The following C16orf96 variants were observed in gnomAD, a reference collection of about 807,000 sequenced individuals.
C16orf96 encodes the protein chromosome 16 open reading frame 96.
In C16orf96, 108 loss-of-function variants were observed where a neutral mutation model predicts 103.6. The ratio of observed to expected loss-of-function variants is 1.04; its 90% CI spans 0.89 to 1.22. C16orf96 has a LOEUF of 1.22. Ranked by LOEUF, C16orf96 falls within the 50% of genes most tolerant of loss-of-function variation. The probability of loss-of-function intolerance (pLI) is 0.00; values close to 1 mark genes in which losing one functional copy is unlikely to be tolerated. For synonymous variants in C16orf96, 566 were observed against 593.5 expected (o/e 0.95, Z 0.67); for missense variants, 1,586 against 1,464.2 (o/e 1.08, Z -1.36).
At chr16:4,551,504 T>G (rs1454542838), upstream of C16orf96, among the ~76,000 whole-genome samples, 1 of 152,138 alleles carries the variant, frequency 6.6e-6, no homozygotes, top group Non-Finnish European at 1.5e-5. Flanking sequence ...CAGGCTGGAG[T>G]GCAGTGGCTT....
intron 7 of C16orf96, among the ~76,000 whole-genome samples, chr16:4,584,386 C>T (rs955216238): frequency 9.9e-6 from 1 of 101,478 alleles, no homozygotes; most frequent in African/African-American, 4.3e-5. Context: ...CTCGCTCTGT[C>T]GCCCAGCCTG....
chr16:4,562,593 C>T (rs1025500631), intron 1 of C16orf96, among the ~76,000 whole-genome samples: 1 of 151,890 alleles, frequency 6.6e-6, no homozygotes, highest in Admixed American at 6.6e-5. Context: ...TTATTTTACA[C>T]TAGGTGGTGG....
Position 4,576,398 on chromosome 16 carries a change from G to C in C16orf96, c.1918G>C (p.Asp640His). ...RGATESQILG[D>H]DSEIYEILSP... ...AGCCACAGAATCCCAGATCTTGGGCGATGATTCCGAAATCTACGAAATCCT... is the reference window on the plus strand; with the variant it reads ...AGCCACAGAATCCCAGATCTTGGGCCATGATTCCGAAATCTACGAAATCCT... The change falls in exon 5 of 16, where the codon GAT becomes CAT. Residue 640 changes from aspartate (D) to histidine (H), a missense_variant. Physicochemically the swap from Asp to His is moderately conservative, Grantham distance 81. Coordinates refer to ENST00000444310, the MANE Select transcript of C16orf96 (RefSeq NM_001145011.2). 3 of 1,551,080 alleles carry C rather than the reference G, an allele frequency of 1.9e-6. No individual in the cohort carries two copies. Among genetic ancestry groups the C allele is most frequent in the Non-Finnish European group, 2.6e-6 (3 of 1,147,012 alleles).
At chr16:4,589,418 C>A (rs1225272133) in intron 9 of C16orf96, among the ~76,000 whole-genome samples, 1 of 146,656 alleles carries the variant, frequency 6.8e-6, no homozygotes, top group Non-Finnish European at 1.5e-5. Context: ...GTCCCCCTAC[C>A]AAAAAAAAAA....
In C16orf96 at chr16:4,566,727, C is replaced by A. The variant is rs982421668; in HGVS notation, c.421-4834C>A. On this transcript the variant is annotated intron_variant, in intron 1 of 15. Coordinates refer to ENST00000444310, the MANE Select transcript of C16orf96 (RefSeq NM_001145011.2). Reference sequence around the variant, plus strand: ...TTAGGTTTACTCGGATTGTCTATTTCTGCTTGAGTCAGTTTTAATGATTTT... The same window carrying A: ...TTAGGTTTACTCGGATTGTCTATTTATGCTTGAGTCAGTTTTAATGATTTT... 3.9e-5 allele frequency among the ~76,000 whole-genome samples: 6 copies of A among 151,964 alleles called. No homozygotes were observed. The East Asian group carries it at 1.2e-3, about 29-fold the overall frequency.
Position 4,580,066 on chromosome 16 carries a change from C to T in C16orf96, c.2293C>T (p.Arg765Cys), listed in dbSNP as rs1468085292. 6.5e-6 allele frequency: 10 copies of T among 1,549,602 alleles called. No homozygotes were observed. The highest frequency in any genetic ancestry group is 2.5e-5 in the East Asian group (1 of 40,712). The change falls in exon 7 of 16, where the codon CGC (arginine) becomes TGC (cysteine). Residue 765 changes from arginine to cysteine, a missense_variant. Arg to Cys is a radical substitution (Grantham distance 180). Coordinates refer to ENST00000444310, the MANE Select transcript of C16orf96 (RefSeq NM_001145011.2). Reference sequence around the variant, plus strand: ...CAACCAAATAGAGATGATGAAGGATCGCTACATCACTTTGGACAAGGCGGT... The same window carrying T: ...CAACCAAATAGAGATGATGAAGGATTGCTACATCACTTTGGACAAGGCGGT... ...WGNQIEMMKD[R>C]YITLDKAVEN...
chr16:4,587,033 T>C lies in C16orf96; in HGVS notation c.2353-6T>C. ...ATGGCAGACATGCCTGTGCTTCTGT[T>C]CTTAGACTCTCCAGGCTCAAATCAA... On this transcript the variant is annotated splice_polypyrimidine_tract_variant and splice_region_variant and intron_variant, in intron 7 of 15. Coordinates refer to ENST00000444310, the MANE Select transcript of C16orf96 (RefSeq NM_001145011.2). The C allele has an allele frequency of 6.4e-7, 1 of 1,551,276 alleles. No homozygotes were observed. Among genetic ancestry groups the C allele is most frequent in the African/African-American group, 1.4e-5 (1 of 73,144 alleles).
At chr16:4,543,249 G>C in the C16orf96 span, among the ~76,000 whole-genome samples, 1 of 152,192 alleles carries the variant, frequency 6.6e-6, no homozygotes, top group Admixed American at 6.5e-5. Context: ...CAAGTAGTTA[G>C]AGCTGCTAAT....
At chr16:4,572,172 G>C (rs1402016443) in intron 2 of C16orf96, among the ~76,000 whole-genome samples, 1 of 151,974 alleles carries the variant, frequency 6.6e-6, no homozygotes, top group Non-Finnish European at 1.5e-5. Flanking sequence ...TTCTACCCCA[G>C]TGTGTTAAAA....
chr16:4,579,156 T>G, intron 6 of C16orf96, 131 bp downstream of exon 6: 1 of 818,980 alleles, frequency 1.2e-6, no homozygotes, highest in Non-Finnish European at 1.9e-6. Context: ...GAAAGCGAGC[T>G]GGCTGCGAAG....
rs376322067 is a variant in C16orf96 at position 4,579,025 on chromosome 16, G to A, written c.2241G>A (p.Lys747=). ...GCAGCCTCCAGAAATCTAGGCTCAA[G>A]GTTAGTGTCTCCGGCGAAGGGCTTT... The part of the protein sequence containing the change: ...KIGSLQKSRL[K]EEELERIWGN... The change falls in exon 6 of 16, where the codon AAG becomes AAA. Residue 747 remains lysine (K), a splice_region_variant and synonymous_variant. Transcript: ENST00000444310. 5 of 1,551,428 alleles carry A rather than the reference G, an allele frequency of 3.2e-6. No individual in the cohort carries two copies. The highest frequency in any genetic ancestry group is 4.4e-6 in the Non-Finnish European group (5 of 1,146,842).
chr16:4,568,627 T>TA (rs1203814972), intron 1 of C16orf96, among the ~76,000 whole-genome samples: 2 of 121,296 alleles, frequency 1.6e-5, no homozygotes, highest in African/African-American at 2.8e-5. Flanking sequence ...CTTTTCTTTT[T>TA]AATTTTTTTT....
chr16:4,552,744 A>T (rs149988358), upstream of C16orf96, among the ~76,000 whole-genome samples: 396 of 152,250 alleles, frequency 2.6e-3, no homozygotes, highest in African/African-American at 8.1e-3. Flanking sequence ...AGACCCTGCC[A>T]AACAGTTTTC....
intron 1 of C16orf96, among the ~76,000 whole-genome samples, chr16:4,559,066 C>A (rs147945839): frequency 6.6e-6 from 1 of 151,878 alleles, no homozygotes; most frequent in African/African-American, 2.4e-5. Flanking sequence ...GCCTGGGTGA[C>A]GGAGAAAGTC....
Position 4,587,361 on chromosome 16 carries a change from C to G in C16orf96, c.2427+248C>G, listed in dbSNP as rs368136015. 2.4e-4 allele frequency among the ~76,000 whole-genome samples: 36 copies of G among 151,996 alleles called. No homozygotes were observed. In the East Asian group the frequency reaches 4.3e-3, roughly 18 times the overall value. The stretch of plus-strand genomic sequence containing the variant: ...TGGCCTACATGATGAAACTCCGTCT[C>G]TAGTCAAAATACAAAAAGTAGCCAG... On this transcript the variant is annotated intron_variant, in intron 8 of 15. Coordinates refer to ENST00000444310, the MANE Select transcript of C16orf96 (RefSeq NM_001145011.2).
chr16:4,596,459 T>C (rs563336189), intron 14 of C16orf96, among the ~76,000 whole-genome samples: 4 of 131,312 alleles, frequency 3.0e-5, no homozygotes, highest in Admixed American at 1.9e-4. Context: ...CACTCTAGCC[T>C]GGACAACAGA....
At chr16:4,583,303 C>T (rs1025705945) in intron 7 of C16orf96, among the ~76,000 whole-genome samples, 5 of 151,590 alleles carry the variant, frequency 3.3e-5, no homozygotes, top group Non-Finnish European at 7.4e-5. Context: ...GACTTCAGGA[C>T]GAGCCTGGAC....
At chr16:4,571,304 G>A (rs796571671) in intron 1 of C16orf96, among the ~76,000 whole-genome samples, 10 of 152,280 alleles carry the variant, frequency 6.6e-5, no homozygotes, top group African/African-American at 2.2e-4. Flanking sequence ...AAGGGCGTGA[G>A]ATGCTTCATG....
the C16orf96 span, among the ~76,000 whole-genome samples, chr16:4,548,716 T>C: frequency 7.9e-5 from 12 of 152,004 alleles, no homozygotes; most frequent in Admixed American, 5.9e-4. Flanking sequence ...CTACTAAAGA[T>C]ACAAAAATTA....
Sources: allele counts gnomAD v4.1 joint callset (sites outside exome capture counted in the v4.1 genomes callset), GRCh38; gene constraint gnomAD v4.1.1; transcripts MANE v1.5; gene names NCBI Gene and HGNC (gene_info 2026-07-23, HGNC 2026-07-21).